Variants in PCDH15 observed in about 807,000 individuals in gnomAD.
PCDH15 encodes the protein protocadherin related 15.
In PCDH15, 129 loss-of-function variants were observed where a neutral mutation model predicts 178.5. The ratio of observed to expected loss-of-function variants is 0.72; its 90% CI spans 0.63 to 0.84. PCDH15 has a LOEUF of 0.84. Ranked by LOEUF, PCDH15 falls within the 40% of genes least tolerant of loss-of-function variation. The pLI, the probability that PCDH15 is intolerant of heterozygous loss-of-function variation, is 0.00. For synonymous variants in PCDH15, 800 were observed against 732.0 expected, an observed-to-expected ratio of 1.09 and a Z score of -1.50; for missense variants, 2,230 against 2,099.9, an observed-to-expected ratio of 1.06 and a Z score of -1.21.
chr10:55,499,445 ACACACAC>A (rs1252027034), intron 2 of PCDH15, among the ~76,000 whole-genome samples: 24 of 149,158 alleles, frequency 1.6e-4, no homozygotes, highest in African/African-American at 5.6e-4. Flanking sequence ...ACACACACAC[ACACACAC>A]AAATAATGTT....
chr10:54,166,483 T>C (rs1456988317), intron 13 of PCDH15, among the ~76,000 whole-genome samples: 1 of 152,222 alleles, frequency 6.6e-6, no homozygotes, highest in South Asian at 2.1e-4. Context: ...ATATTAGGAC[T>C]TGCACAATAG....
intron 17 of PCDH15, among the ~76,000 whole-genome samples, chr10:54,068,363 A>T (rs2094176725): frequency 6.6e-6 from 1 of 152,152 alleles, no homozygotes; most frequent in Non-Finnish European, 1.5e-5. Context: ...ATTTGCACAC[A>T]TTTTTGTATT....
intron 2 of PCDH15, among the ~76,000 whole-genome samples, chr10:55,511,567 T>G (rs986800880): frequency 2.0e-5 from 3 of 152,114 alleles, no homozygotes; most frequent in Non-Finnish European, 4.4e-5. Context: ...TACATGTTTC[T>G]AAAATTGTTG....
intron 13 of PCDH15, among the ~76,000 whole-genome samples, chr10:54,168,617 C>T (rs1225921059): frequency 1.3e-5 from 2 of 152,146 alleles, no homozygotes; most frequent in Non-Finnish European, 2.9e-5. Flanking sequence ...AAGGCATAGT[C>T]AAGGTTAATG....
In PCDH15 at chr10:54,016,419, T is replaced by C. The variant is rs566905838; in HGVS notation, c.2751+3773A>G. Among the ~76,000 whole-genome samples the C allele has an allele frequency of 3.3e-5, 5 of 152,252 alleles. No individual in the cohort carries two copies. In the East Asian group the frequency reaches 9.6e-4, roughly 29 times the overall value. On this transcript the variant is annotated intron_variant, in intron 20 of 37. Transcript: ENST00000644397. ...CAAATTGTTGTACCATAAAGACACA[T>C]GCACATGTATCATTAGTATCATGCT...
rs553165056 is a variant in PCDH15 at position 55,225,643 on chromosome 10, G to T, written c.-155-58992C>A. Among the ~76,000 whole-genome samples the T allele has an allele frequency of 2.2e-3, 322 of 143,674 alleles. 1 individual carries two copies. Among genetic ancestry groups the T allele is most frequent in the Middle Eastern group, 0.014 (4 of 278 alleles). The allele number at this position is 143,674 out of a possible 152,430, so 94.3% of individuals were successfully genotyped here. On this transcript the variant is annotated intron_variant, in intron 1 of 5. Coordinates refer to the PCDH15 transcript ENST00000458638. ...TGTATGTGTGTGTGTGTTTGTGTGT[G>T]TGTGTGTGAGAGAGAGAGAGAGAGA... is the stretch of plus-strand genomic sequence containing the variant.
At chr10:54,097,960 T>C (rs2094730070) in intron 15 of PCDH15, among the ~76,000 whole-genome samples, 3 of 152,144 alleles carry the variant, frequency 2.0e-5, no homozygotes, top group African/African-American at 7.2e-5. Flanking sequence ...ATGCACATTC[T>C]TCCTCAGTAT....
At chr10:55,098,737 C>T (rs1842503500) in intron 2 of PCDH15, among the ~76,000 whole-genome samples, 1 of 152,056 alleles carries the variant, frequency 6.6e-6, no homozygotes, top group South Asian at 2.1e-4. Context: ...GTAAATCAGA[C>T]ACCGCCTCCT....
intron 2 of PCDH15, among the ~76,000 whole-genome samples, chr10:55,020,770 T>G (rs2131954185): frequency 6.6e-6 from 1 of 152,284 alleles, no homozygotes; most frequent in South Asian, 2.1e-4. Context: ...CTCCAAGATC[T>G]TAACTGTAAA....
At chr10:54,932,476 GA>G (rs1449341443) in intron 2 of PCDH15, among the ~76,000 whole-genome samples, 2 of 152,180 alleles carry the variant, frequency 1.3e-5, no homozygotes, top group African/African-American at 4.8e-5. Context: ...TTTATAAAGT[GA>G]AAAAGTTATA....
At chr10:54,637,054 T>C (rs1224669585) in intron 2 of PCDH15, among the ~76,000 whole-genome samples, 1 of 151,054 alleles carries the variant, frequency 6.6e-6, no homozygotes, top group African/African-American at 2.4e-5. Flanking sequence ...TAAAATTTTC[T>C]ACTCTGTATC....
At chr10:54,333,702 A>C in intron 6 of PCDH15, among the ~76,000 whole-genome samples, 1 of 152,296 alleles carries the variant, frequency 6.6e-6, no homozygotes, top group South Asian at 2.1e-4. Flanking sequence ...ATAGGCATGT[A>C]TCATTAAGAC....
intron 18 of PCDH15, among the ~76,000 whole-genome samples, chr10:54,034,310 AT>A (rs2135450869): frequency 6.6e-6 from 1 of 152,018 alleles, no homozygotes; most frequent in African/African-American, 2.4e-5. Context: ...TTTTACACAC[AT>A]TGTCACAATT....
intron 1 of PCDH15, among the ~76,000 whole-genome samples, chr10:55,173,307 T>TTGTGTGTGTGTG (rs778106530): frequency 1.6e-5 from 1 of 64,096 alleles, no homozygotes; most frequent in African/African-American, 4.8e-5. Context: ...ATTAGAAAGA[T>TTGTGTGTGTGTG]TATGTGTGTG....
At chr10:53,931,834 G>C (rs2085089640) in intron 25 of PCDH15, among the ~76,000 whole-genome samples, 1 of 152,138 alleles carries the variant, frequency 6.6e-6, no homozygotes, top group African/African-American at 2.4e-5. Context: ...TCCTTCCCCA[G>C]CTTAGATATG....
intron 12 of PCDH15, among the ~76,000 whole-genome samples, chr10:54,184,440 G>A (rs2048301440): frequency 6.6e-6 from 1 of 151,998 alleles, no homozygotes; most frequent in East Asian, 1.9e-4. Flanking sequence ...ACGTGTTTGT[G>A]TGCATGTGTG....
chr10:54,084,497 A>C (rs945735464), intron 16 of PCDH15, among the ~76,000 whole-genome samples: 1 of 151,870 alleles, frequency 6.6e-6, no homozygotes. Flanking sequence ...ATAAAAAAAT[A>C]AAAATTATCA....
intron 1 of PCDH15, among the ~76,000 whole-genome samples, chr10:54,795,096 T>G (rs546786988): frequency 3.2e-4 from 48 of 151,990 alleles, no homozygotes; most frequent in Non-Finnish European, 6.5e-4. Flanking sequence ...TTCTCCCATC[T>G]TTTCTTGAAA....
chr10:54,396,021 A>C (rs2135403282), intron 3 of PCDH15, among the ~76,000 whole-genome samples: 1 of 152,268 alleles, frequency 6.6e-6, no homozygotes, highest in South Asian at 2.1e-4. Context: ...GCAATTAAGA[A>C]GCAGATGAAG....
Sources: allele counts gnomAD v4.1 joint callset (sites outside exome capture counted in the v4.1 genomes callset), GRCh38; gene constraint gnomAD v4.1.1; transcripts MANE v1.5; gene names NCBI Gene and HGNC (gene_info 2026-07-23, HGNC 2026-07-21).